The following CFAP44 variants were observed in gnomAD, a reference collection of about 807,000 sequenced individuals.
CFAP44 encodes cilia- and flagella-associated protein 44.
CFAP44 carries 134 observed loss-of-function variants against 216.2 expected under a neutral mutation model. The observed-to-expected ratio is 0.62, with a 90% CI of 0.54 to 0.72. The LOEUF (loss-of-function observed/expected upper bound fraction) is 0.72. Among genes scored for constraint, CFAP44 ranks in the 30% least tolerant of loss-of-function variants. The pLI, the probability that CFAP44 is intolerant of heterozygous loss-of-function variation, is 0.00. For synonymous variants in CFAP44, 700 were observed against 727.6 expected (o/e 0.96, Z 0.61); for missense variants, 2,035 against 2,182.1 (o/e 0.93, Z 1.34).
intron 20 of CFAP44, 76 bp downstream of exon 20, chr3:113,363,401 C>T (rs1273390734): frequency 9.5e-6 from 15 of 1,571,814 alleles, no homozygotes; most frequent in Non-Finnish European, 1.3e-5. Context: ...ATTCATTAAG[C>T]TTGGTCAACT....
chr3:113,383,674 T>C (rs1933571928), intron 15 of CFAP44, among the ~76,000 whole-genome samples: 1 of 152,058 alleles, frequency 6.6e-6, no homozygotes, highest in African/African-American at 2.4e-5. Flanking sequence ...AAGAACTACT[T>C]GGAGATAACA....
intron 15 of CFAP44, among the ~76,000 whole-genome samples, chr3:113,384,469 T>C (rs1933596098): frequency 6.6e-6 from 1 of 152,204 alleles, no homozygotes; most frequent in Non-Finnish European, 1.5e-5. Flanking sequence ...CTTCAGAATG[T>C]GACTGATAGA....
chr3:113,376,871 G>C (rs773833370), intron 17 of CFAP44, among the ~76,000 whole-genome samples: 2 of 152,156 alleles, frequency 1.3e-5, no homozygotes. Flanking sequence ...GAATAGAAAA[G>C]ACAGAAACTG....
intron 10 of CFAP44, 105 bp from the exon 11 acceptor site, chr3:113,401,392 A>G: frequency 8.2e-7 from 1 of 1,219,380 alleles, no homozygotes; most frequent in Non-Finnish European, 1.1e-6. Context: ...AATAATATCA[A>G]AAGCTCACAT....
intron 22 of CFAP44, among the ~76,000 whole-genome samples, chr3:113,355,419 G>A (rs1216815426): frequency 1.3e-5 from 2 of 152,164 alleles, no homozygotes; most frequent in African/African-American, 4.8e-5. Flanking sequence ...TATTCAGGAG[G>A]CTGAGGCAGA....
chr3:113,397,969 C>CTA (rs967387638), intron 13 of CFAP44, among the ~76,000 whole-genome samples: 1 of 152,060 alleles, frequency 6.6e-6, no homozygotes, highest in African/African-American at 2.4e-5. Flanking sequence ...ACATGTAAAC[C>CTA]TACCAATGTT....
At chr3:113,425,097 G>T (rs1299411869) in intron 4 of CFAP44, among the ~76,000 whole-genome samples, 1 of 151,666 alleles carries the variant, frequency 6.6e-6, no homozygotes, top group Admixed American at 6.6e-5. Flanking sequence ...TCAGAAACTT[G>T]TCCAAAGATA....
chr3:113,371,438 C>T (rs950466675), intron 18 of CFAP44, among the ~76,000 whole-genome samples: 3 of 152,146 alleles, frequency 2.0e-5, no homozygotes, highest in Admixed American at 1.3e-4. Flanking sequence ...CATCTACAAA[C>T]ATCTGATCTT....
chr3:113,398,170 A>G (rs1934042325), intron 13 of CFAP44, among the ~76,000 whole-genome samples: 1 of 152,240 alleles, frequency 6.6e-6, no homozygotes, highest in Non-Finnish European at 1.5e-5. Flanking sequence ...GATGCAAAGA[A>G]GAATAAGGCA....
chr3:113,424,493 C>T (rs4682136), intron 4 of CFAP44, among the ~76,000 whole-genome samples: 33,078 of 151,918 alleles, frequency 0.22, 4,110 homozygotes, highest in East Asian at 0.48. Flanking sequence ...ATATAATATA[C>T]TAATAATCAT....
intron 28 of CFAP44, among the ~76,000 whole-genome samples, chr3:113,311,395 T>C (rs1950036538): frequency 6.6e-6 from 1 of 152,236 alleles, no homozygotes; most frequent in Non-Finnish European, 1.5e-5. Flanking sequence ...CCCCATACTG[T>C]TCTCATGGTA....
intron 17 of CFAP44, among the ~76,000 whole-genome samples, chr3:113,375,231 A>G (rs139677672): frequency 6.6e-6 from 1 of 152,308 alleles, no homozygotes; most frequent in East Asian, 1.9e-4. Context: ...GTGTTACAGG[A>G]TGAGGAGGAC....
intron 1 of CFAP44, 153 bp from the exon 2 acceptor site, chr3:113,433,822 C>T: frequency 1.7e-6 from 1 of 593,336 alleles, no homozygotes; most frequent in Non-Finnish European, 3.0e-6. Context: ...TAGGAGGGTG[C>T]AACTACCACC....
chr3:113,415,184 T>C (rs1005740130), intron 6 of CFAP44, among the ~76,000 whole-genome samples: 4 of 152,218 alleles, frequency 2.6e-5, no homozygotes, highest in African/African-American at 7.2e-5. Flanking sequence ...TGGTAGTCTG[T>C]ATTTCTGTGG....
At position 113,306,270 on chromosome 3, in the gene CFAP44, C is replaced by T. The variant is rs1221423019; in HGVS notation, c.4689G>A (p.Glu1563=). The part of the protein sequence containing the change: ...LHLREKRLDI[E]EALVEEKKIV... ...TTTTCTTTTCTTCAACTAAAGCCTC[C>T]TCAATGTCCAGCCTTTTCTCTCGAA... is the stretch of plus-strand genomic sequence containing the variant. Residue 1563 remains glutamate (E), a synonymous_variant, in exon 30 of 35, where the codon GAG becomes GAA. Transcript: ENST00000393845. 1.3e-6 allele frequency: 2 copies of T among 1,536,726 alleles called. No individual in the cohort carries two copies. Among genetic ancestry groups the T allele is most frequent in the African/African-American group, 2.7e-5 (2 of 72,992 alleles).
chr3:113,298,511 AGAC>A (rs1949903440), intron 32 of CFAP44, among the ~76,000 whole-genome samples: 1 of 152,232 alleles, frequency 6.6e-6, no homozygotes, highest in Non-Finnish European at 1.5e-5. Flanking sequence ...ATGGAAGCAG[AGAC>A]ATAAAGAGAT....
At chr3:113,353,342 G>T (rs1186458802) in intron 22 of CFAP44, among the ~76,000 whole-genome samples, 1 of 140,276 alleles carries the variant, frequency 7.1e-6, no homozygotes, top group Non-Finnish European at 1.5e-5. Context: ...CTTCTTGATA[G>T]AATAGAAGCC....
intron 1 of CFAP44, chr3:113,434,657 T>C (rs1364565740): frequency 6.6e-6 from 1 of 152,192 alleles, no homozygotes; most frequent in Non-Finnish European, 1.5e-5. Context: ...TTCTACGATA[T>C]GCCTGGCAAG....
At chr3:113,425,919 C>T in intron 4 of CFAP44, 1 of 538,536 alleles carries the variant, frequency 1.9e-6, no homozygotes, top group Non-Finnish European at 3.1e-6. Flanking sequence ...TGGTCTCTGT[C>T]ACAACTACTT....
Sources: allele counts gnomAD v4.1 joint callset (sites outside exome capture counted in the v4.1 genomes callset), GRCh38; gene constraint gnomAD v4.1.1; transcripts MANE v1.5; gene names NCBI Gene and HGNC (gene_info 2026-07-23, HGNC 2026-07-21).